The following PPFIBP2 variants were observed in gnomAD, a reference collection of about 807,000 sequenced individuals.
The protein encoded by PPFIBP2 is PPFIB scaffold protein 2, also known as liprin-beta-2.
PPFIBP2 carries 118 observed loss-of-function variants against 118.3 expected under a neutral mutation model. That is an observed-to-expected ratio of 1.00 (90% CI 0.86 to 1.16). PPFIBP2 has a LOEUF of 1.16. Ranked by LOEUF, PPFIBP2 falls within the 50% of genes most tolerant of loss-of-function variation. The probability of loss-of-function intolerance (pLI) is 0.00; values close to 1 mark genes in which losing one functional copy is unlikely to be tolerated. For missense variants in PPFIBP2, 1,195 were observed against 1,073.1 expected (o/e 1.11, Z -1.59); for synonymous variants, 414 against 397.4 (o/e 1.04, Z -0.50).
At chr11:7,618,498 A>G (rs1848947232) in intron 6 of PPFIBP2, among the ~76,000 whole-genome samples, 1 of 152,164 alleles carries the variant, frequency 6.6e-6, no homozygotes, top group Admixed American at 6.5e-5. Flanking sequence ...ACCCTCTCCA[A>G]CAAACTGAGT....
At chr11:7,563,621 C>T (rs1375251267) in intron 2 of PPFIBP2, among the ~76,000 whole-genome samples, 5 of 152,138 alleles carry the variant, frequency 3.3e-5, no homozygotes, top group African/African-American at 7.2e-5. Context: ...ACCATGGATG[C>T]GGTGGCCCCA....
At chr11:7,620,563 A>G (rs1011763765) in intron 6 of PPFIBP2, among the ~76,000 whole-genome samples, 1 of 152,164 alleles carries the variant, frequency 6.6e-6, no homozygotes, top group Non-Finnish European at 1.5e-5. Flanking sequence ...ACTACTTTGC[A>G]TCACAGGGAA....
intron 17 of PPFIBP2, 127 bp from the exon 18 acceptor site, chr11:7,648,260 T>C: frequency 1.9e-6 from 2 of 1,034,286 alleles, no homozygotes; most frequent in Non-Finnish European, 2.7e-6. Flanking sequence ...ATGATGGAGG[T>C]TGTTTGTTAA....
chr11:7,579,043 T>TG lies in PPFIBP2; in HGVS notation c.279+13284dup, dbSNP rs542290270. Among the ~76,000 whole-genome samples the TG allele has an allele frequency of 7.2e-3, 1,078 of 150,134 alleles. 15 individuals are homozygous for TG. Among genetic ancestry groups the TG allele is most frequent in the African/African-American group, 0.023 (945 of 40,730 alleles). ...AGCAGGGAAGTGACATGGGATACAT[T>TG]GGGGGGGGTCTAGTTTGTATTTTAA... On this transcript the variant is annotated intron_variant, in intron 3 of 23. Transcript: ENST00000299492.
intron 2 of PPFIBP2, among the ~76,000 whole-genome samples, chr11:7,557,398 A>G (rs1308234849): frequency 3.3e-5 from 5 of 151,488 alleles, no homozygotes; most frequent in Non-Finnish European, 5.9e-5. Flanking sequence ...ATATTAGTGT[A>G]TTGATTTAGT....
intron 1 of PPFIBP2, among the ~76,000 whole-genome samples, chr11:7,536,167 T>A (rs1590150153): frequency 6.6e-6 from 1 of 152,186 alleles, no homozygotes. Flanking sequence ...GGACATATAG[T>A]TTCTGAATCA....
chr11:7,560,800 A>T (rs936332920), intron 2 of PPFIBP2, among the ~76,000 whole-genome samples: 1 of 152,242 alleles, frequency 6.6e-6, no homozygotes, highest in Non-Finnish European at 1.5e-5. Context: ...GCTTGCCAAC[A>T]TTAATTATCA....
chr11:7,666,647 A>C, the PPFIBP2 span: 1 of 779,068 alleles, frequency 1.3e-6, no homozygotes, highest in South Asian at 1.7e-5. Context: ...CAAAGCTGCC[A>C]CCACTCCAGC....
intron 22 of PPFIBP2, 35 bp from the exon 23 acceptor site, chr11:7,651,621 G>T: frequency 6.4e-7 from 1 of 1,560,944 alleles, no homozygotes; most frequent in Non-Finnish European, 8.7e-7. Context: ...ATTTGTATTT[G>T]CTCCTGGCCA....
chr11:7,514,493 G>A (rs1462695646), intron 1 of PPFIBP2, among the ~76,000 whole-genome samples: 2 of 152,182 alleles, frequency 1.3e-5, no homozygotes, highest in African/African-American at 2.4e-5. Flanking sequence ...GGGGAGCAGC[G>A]GCGTGGACTA....
intron 11 of PPFIBP2, 82 bp from the exon 12 acceptor site, chr11:7,632,785 A>C: frequency 9.1e-7 from 1 of 1,101,230 alleles, no homozygotes; most frequent in Non-Finnish European, 1.4e-6. Context: ...CCCTAAAAGG[A>C]ATCATGTGAA....
chr11:7,559,773 C>A (rs1286268746), intron 2 of PPFIBP2, among the ~76,000 whole-genome samples: 1 of 152,128 alleles, frequency 6.6e-6, no homozygotes, highest in Non-Finnish European at 1.5e-5. Context: ...GGCATTAAAA[C>A]CTCAAGCCCC....
At chr11:7,649,085 T>A in intron 19 of PPFIBP2, 62 bp from the exon 20 acceptor site, 2 of 1,507,576 alleles carry the variant, frequency 1.3e-6, no homozygotes, top group Non-Finnish European at 1.8e-6. Flanking sequence ...TCCCCTTTTT[T>A]TGGTGTCTAC....
chr11:7,666,087 G>T, the PPFIBP2 span: 1 of 646,690 alleles, frequency 1.5e-6, no homozygotes, highest in South Asian at 1.8e-5. Flanking sequence ...TAAGGGGTGT[G>T]GTGGCCGTAA....
chr11:7,577,093 C>T (rs1342636851), intron 3 of PPFIBP2: 1 of 156,966 alleles, frequency 6.4e-6, no homozygotes, highest in South Asian at 1.9e-4. Context: ...TAATGAGTTC[C>T]AGCCACTCCA....
chr11:7,661,362 G>A (rs562653490), downstream of PPFIBP2, among the ~76,000 whole-genome samples: 202 of 150,732 alleles, frequency 1.3e-3, no homozygotes, highest in Non-Finnish European at 2.3e-3. Flanking sequence ...TGTTCTCGTT[G>A]GTTTCAAAGA....
intron 1 of PPFIBP2, among the ~76,000 whole-genome samples, chr11:7,526,269 G>T (rs1262184427): frequency 6.6e-6 from 1 of 152,174 alleles, no homozygotes; most frequent in Non-Finnish European, 1.5e-5. Flanking sequence ...TGGGATCCTG[G>T]GGAGCTGGGA....
chr11:7,643,022 C>A (rs1288142030), intron 17 of PPFIBP2, among the ~76,000 whole-genome samples: 2 of 152,080 alleles, frequency 1.3e-5, no homozygotes, highest in African/African-American at 4.8e-5. Flanking sequence ...ATGAGTATCC[C>A]CAGACTCCAG....
chr11:7,544,088 C>G (rs1280055011), intron 1 of PPFIBP2, among the ~76,000 whole-genome samples: 1 of 152,142 alleles, frequency 6.6e-6, no homozygotes, highest in Non-Finnish European at 1.5e-5. Context: ...GATGCTGTCC[C>G]AGATAGGAAG....
Sources: gnomAD v4.1 joint callset for allele counts (sites outside exome capture counted in the v4.1 genomes callset) on GRCh38, gnomAD v4.1.1 for gene constraint, MANE v1.5 for transcripts, NCBI Gene and HGNC (gene_info 2026-07-23, HGNC 2026-07-21) for gene names.